TBX20: variants seen among roughly 807,000 people sequenced by gnomAD.
TBX20 encodes the protein T-box transcription factor TBX20.
Under a neutral mutation model 42.9 loss-of-function variants are expected in TBX20, and 8 were observed. The ratio of observed to expected loss-of-function variants is 0.19; its 90% CI spans 0.11 to 0.34. The LOEUF (loss-of-function observed/expected upper bound fraction) is 0.34, where lower values mean the gene tolerates loss of function less well. Ranked by LOEUF, TBX20 falls within the 10% of genes least tolerant of loss-of-function variation. The pLI is 1.00. For missense variants in TBX20, 411 were observed against 566.0 expected (o/e 0.73, Z 2.78); for synonymous variants, 198 against 222.8 (o/e 0.89, Z 0.99).
In TBX20 at chr7:35,242,960, G is replaced by A. The variant is rs559208855; in HGVS notation, c.655-1923C>T. The stretch of plus-strand genomic sequence containing the variant: ...ATAGGTTTCAGAACACACTAATTCT[G>A]GTGACAAAGGGTTATATTAAATATA... On this transcript the variant is annotated intron_variant, in intron 4 of 7. Transcript: ENST00000408931. 2.1e-3 allele frequency among the ~76,000 whole-genome samples: 323 copies of A among 152,180 alleles called. 1 individual carries two copies. Among genetic ancestry groups the A allele is most frequent in the South Asian group, 8.5e-3 (41 of 4,818 alleles).
chr7:35,209,804 G>T (rs1191992024), intron 6 of TBX20, among the ~76,000 whole-genome samples: 6 of 152,138 alleles, frequency 3.9e-5, no homozygotes, highest in African/African-American at 1.4e-4. Context: ...TAAATTTTCT[G>T]GAAGTAATGT....
At chr7:35,235,703 C>A (rs1227907705) in intron 5 of TBX20, among the ~76,000 whole-genome samples, 1 of 152,120 alleles carries the variant, frequency 6.6e-6, no homozygotes, top group Non-Finnish European at 1.5e-5. Flanking sequence ...GAACATAATG[C>A]AATTCCTAAC....
chr7:35,210,048 G>A (rs1286782434), intron 6 of TBX20, among the ~76,000 whole-genome samples: 3 of 151,704 alleles, frequency 2.0e-5, no homozygotes, highest in East Asian at 1.9e-4. Flanking sequence ...TAAATTTATT[G>A]AGACTTCTTT....
At chr7:35,251,240 G>A (rs553304970) in intron 1 of TBX20, among the ~76,000 whole-genome samples, 27 of 152,294 alleles carry the variant, frequency 1.8e-4, no homozygotes, top group Admixed American at 1.6e-3. Flanking sequence ...TCTCTTAAGT[G>A]CCCTCAAGAA....
At chr7:35,250,910 T>G (rs1790293151) in intron 1 of TBX20, among the ~76,000 whole-genome samples, 2 of 152,286 alleles carry the variant, frequency 1.3e-5, no homozygotes, top group South Asian at 4.2e-4. Flanking sequence ...GCAGGTTCTG[T>G]GGGCCATTTT....
intron 5 of TBX20, among the ~76,000 whole-genome samples, chr7:35,239,956 G>A (rs1385987006): frequency 6.6e-6 from 1 of 151,956 alleles, no homozygotes; most frequent in Non-Finnish European, 1.5e-5. Context: ...CACCATGTTG[G>A]CCAGGCTGGT....
intron 4 of TBX20, among the ~76,000 whole-genome samples, chr7:35,241,371 G>T (rs1279311782): frequency 6.6e-6 from 1 of 152,200 alleles, no homozygotes; most frequent in Non-Finnish European, 1.5e-5. Flanking sequence ...AGTCTAGTTA[G>T]ACCAAAGGAC....
intron 7 of TBX20, among the ~76,000 whole-genome samples, chr7:35,203,672 T>A (rs1789345379): frequency 6.6e-6 from 1 of 152,236 alleles, no homozygotes; most frequent in Admixed American, 6.5e-5. Flanking sequence ...TTTTAGGAAG[T>A]GAAAAGTTAT....
intron 4 of TBX20, among the ~76,000 whole-genome samples, chr7:35,242,061 G>T (rs1250343134): frequency 2.2e-5 from 3 of 137,950 alleles, no homozygotes; most frequent in African/African-American, 7.8e-5. Context: ...ACTATAAACA[G>T]CCTGGCAGGA....
At chr7:35,239,078 T>C (rs1398977105) in intron 5 of TBX20, among the ~76,000 whole-genome samples, 1 of 151,992 alleles carries the variant, frequency 6.6e-6, no homozygotes, top group Non-Finnish European at 1.5e-5. Context: ...CCCTAATATC[T>C]AGGTAAGGAA....
At chr7:35,226,174 T>C (rs2532172) in intron 6 of TBX20, among the ~76,000 whole-genome samples, 1 of 152,026 alleles carries the variant, frequency 6.6e-6, no homozygotes, top group Non-Finnish European at 1.5e-5. Context: ...GATTAAAAAA[T>C]CTATAGTAAA....
intron 5 of TBX20, among the ~76,000 whole-genome samples, chr7:35,232,790 C>T (rs531115741): frequency 2.0e-5 from 3 of 152,236 alleles, no homozygotes; most frequent in East Asian, 1.9e-4. Flanking sequence ...TTTGGGAGAC[C>T]GAGGTGGGCA....
At chr7:35,229,261 ATTG>A (rs1789828342) in intron 6 of TBX20, among the ~76,000 whole-genome samples, 1 of 152,166 alleles carries the variant, frequency 6.6e-6, no homozygotes, top group Non-Finnish European at 1.5e-5. Flanking sequence ...AGCTCCCTAT[ATTG>A]TTAAGGATAG....
intron 6 of TBX20, among the ~76,000 whole-genome samples, chr7:35,210,343 C>T (rs1296388684): frequency 6.6e-6 from 1 of 151,886 alleles, no homozygotes; most frequent in Non-Finnish European, 1.5e-5. Context: ...TCTCGATCTC[C>T]TGACCTCATG....
chr7:35,253,886 CG>C lies in TBX20; in HGVS notation c.-267del. 2.1e-6 allele frequency: 1 copy of C among 472,998 alleles called. No individual in the cohort carries two copies. The highest frequency in any genetic ancestry group is 3.8e-5 in the East Asian group (1 of 26,478). 29.3% of individuals were successfully genotyped at this position (472,998 alleles called of 1,614,324 possible). On this transcript the variant is annotated 5_prime_UTR_variant, in exon 1 of 8. An upstream open reading frame in the 5' UTR loses its in-frame stop. Coordinates refer to ENST00000408931, the MANE Select transcript of TBX20 (RefSeq NM_001077653.2). Reference sequence around the variant, plus strand: ...AGCACTACGGCGGGTGCGCACGCCCCGGGGCGCTCGGCAGGACGACAGTCTG... The same window carrying C: ...AGCACTACGGCGGGTGCGCACGCCCCGGGCGCTCGGCAGGACGACAGTCTG...
At position 35,253,820 on chromosome 7, in the gene TBX20, G is replaced by C; in HGVS notation, c.-200C>G. The C allele has an allele frequency of 1.5e-6, 1 of 656,136 alleles. No individual in the cohort carries two copies. Among genetic ancestry groups the C allele is most frequent in the Non-Finnish European group, 2.5e-6 (1 of 397,556 alleles). 40.6% of individuals were successfully genotyped at this position (656,136 alleles called of 1,614,324 possible). ...TTCCCCACCGCAAAGCCCCAGAGCCGCAGAGACTTCGAAGGCAGCCGGAGA... is the reference window on the plus strand; with the variant it reads ...TTCCCCACCGCAAAGCCCCAGAGCCCCAGAGACTTCGAAGGCAGCCGGAGA... On this transcript the variant is annotated 5_prime_UTR_variant, in exon 1 of 8. Transcript: ENST00000408931.
intron 4 of TBX20, among the ~76,000 whole-genome samples, chr7:35,241,559 C>T (rs1471649867): frequency 6.6e-6 from 1 of 152,154 alleles, no homozygotes; most frequent in Non-Finnish European, 1.5e-5. Flanking sequence ...CTCATCTCCC[C>T]AATTCCTAGT....
chr7:35,219,803 T>C (rs140063125), intron 6 of TBX20, among the ~76,000 whole-genome samples: 11,751 of 152,252 alleles, frequency 0.077, 710 homozygotes, highest in Admixed American at 0.19. Context: ...GAATATTAGA[T>C]TTGCAACTTG....
intron 5 of TBX20, among the ~76,000 whole-genome samples, chr7:35,233,413 T>C (rs146737364): frequency 6.6e-6 from 1 of 152,216 alleles, no homozygotes; most frequent in African/African-American, 2.4e-5. Flanking sequence ...CTATGAGCAT[T>C]GGTAAACAGG....
Sources: gnomAD v4.1 joint callset for allele counts (sites outside exome capture counted in the v4.1 genomes callset) on GRCh38, gnomAD v4.1.1 for gene constraint, MANE v1.5 for transcripts, NCBI Gene and HGNC (gene_info 2026-07-23, HGNC 2026-07-21) for gene names.